EFCAB8: variants seen among roughly 807,000 people sequenced by gnomAD.
EFCAB8 encodes EF-hand calcium binding domain 8, also known as EF-hand calcium-binding domain-containing protein 8.
In EFCAB8, 100 loss-of-function variants were observed where a neutral mutation model predicts 116.3. That is an observed-to-expected ratio of 0.86 (90% CI 0.73 to 1.02). The LOEUF (loss-of-function observed/expected upper bound fraction) is 1.02. EFCAB8 is among the 50% of genes least tolerant of loss of function. The probability of loss-of-function intolerance (pLI) is 0.00; values close to 1 mark genes in which losing one functional copy is unlikely to be tolerated. For missense variants in EFCAB8, 1,320 were observed against 1,416.9 expected (o/e 0.93, Z 1.10); for synonymous variants, 558 against 567.9 (o/e 0.98, Z 0.25).
At position 32,893,186 on chromosome 20, in the gene EFCAB8, C is replaced by G; in HGVS notation, c.771C>G (p.His257Gln). Residue 257 changes from histidine to glutamine, a missense_variant, in exon 9 of 27, where the codon CAC (histidine) becomes CAG (glutamine). Coordinates refer to ENST00000400522, the MANE Select transcript of EFCAB8 (RefSeq NM_001143967.2). ...CATCTTTCTGCAGGTCTGACTATCACAGAGGTGTGTTCTGCTATGGAGACG... is the reference window on the plus strand; with the variant it reads ...CATCTTTCTGCAGGTCTGACTATCAGAGAGGTGTGTTCTGCTATGGAGACG... ...ALVMDYWSDY[H>Q]RGVFCYGDAK... 1.3e-6 allele frequency: 2 copies of G among 1,551,978 alleles called. No homozygotes were observed. The highest frequency in any genetic ancestry group is 1.7e-6 in the Non-Finnish European group (2 of 1,147,042).
intron 22 of EFCAB8, among the ~76,000 whole-genome samples, chr20:32,935,271 G>A (rs1458269321): frequency 3.0e-5 from 4 of 131,376 alleles, no homozygotes; most frequent in Admixed American, 1.8e-4. Context: ...TCCAATCTTG[G>A]CTCACTGCAA....
intron 22 of EFCAB8, among the ~76,000 whole-genome samples, chr20:32,935,546 G>T: frequency 6.6e-6 from 1 of 150,666 alleles, no homozygotes; most frequent in Non-Finnish European, 1.5e-5. Flanking sequence ...TGCTCTTATT[G>T]CCCAGACTGG....
intron 1 of EFCAB8, among the ~76,000 whole-genome samples, 175 bp downstream of exon 1, chr20:32,859,181 C>G (rs1983974389): frequency 6.6e-6 from 1 of 152,196 alleles, no homozygotes; most frequent in Admixed American, 6.5e-5. Context: ...ACTCGTTCCC[C>G]TCTCATCCCT....
chr20:32,961,090 G>T (rs1255912845), intron 26 of EFCAB8, 46 bp from the exon 27 acceptor site: 1 of 1,506,108 alleles, frequency 6.6e-7, no homozygotes, highest in Admixed American at 2.0e-5. Flanking sequence ...GGTGTCCCCG[G>T]CTCCAACTGG....
rs571058861 is a variant in EFCAB8, at chr20:32,926,511, CT to C, written c.2413-3876del. Among the ~76,000 whole-genome samples, 421 of 103,712 alleles carry C rather than the reference CT, an allele frequency of 4.1e-3. 1 individual carries two copies. Among genetic ancestry groups the C allele is most frequent in the African/African-American group, 9.6e-3 (257 of 26,748 alleles). The allele number at this position is 103,712 out of a possible 152,430, so 68.0% of individuals were successfully genotyped here. A position where few individuals can be genotyped will look rare whatever the true frequency, so the allele number is the denominator to read the frequency against. On this transcript the variant is annotated intron_variant, in intron 20 of 26. Coordinates refer to ENST00000400522, the MANE Select transcript of EFCAB8 (RefSeq NM_001143967.2). ...CACATAATAATCTATCCACTTCATT[CT>C]TTTTTTTTTTATTATACTTTAAGTT...
At chr20:32,947,809 C>T (rs576832720) in intron 23 of EFCAB8, among the ~76,000 whole-genome samples, 30 of 150,868 alleles carry the variant, frequency 2.0e-4, no homozygotes, top group African/African-American at 6.6e-4. Flanking sequence ...AGGTCTGGTG[C>T]GGTGGCTCAC....
At chr20:32,945,902 A>C (rs113349207) in intron 23 of EFCAB8, among the ~76,000 whole-genome samples, 1 of 152,260 alleles carries the variant, frequency 6.6e-6, no homozygotes, top group East Asian at 1.9e-4. Flanking sequence ...TCTGGTGTCT[A>C]TTTGCAGTAC....
intron 20 of EFCAB8, among the ~76,000 whole-genome samples, chr20:32,929,630 C>T (rs1024033151): frequency 4.0e-5 from 6 of 151,778 alleles, no homozygotes; most frequent in Non-Finnish European, 7.4e-5. Flanking sequence ...GTATGAGCCA[C>T]CATGAGATTT....
At chr20:32,920,043 C>T (rs1239423176) in intron 19 of EFCAB8, 35 bp from the exon 20 acceptor site, 4 of 1,551,538 alleles carry the variant, frequency 2.6e-6, no homozygotes, top group African/African-American at 2.7e-5. Context: ...GGGAAACACC[C>T]TCATGGTGAC....
chr20:32,959,883 C>T lies in EFCAB8; in HGVS notation c.3195C>T (p.Ala1065=). ...CAGATAAGGAGGCAGACACTTGGGC[C>T]AAGCTGCAGAAGATGGCCCTGATGT... The part of the protein sequence containing the change: ...GKADKEADTW[A]KLQKMALMSP... Residue 1065 remains alanine, a synonymous_variant, in exon 25 of 27, where the codon GCC becomes GCT. Transcript: ENST00000400522. 6.4e-7 allele frequency: 1 copy of T among 1,551,568 alleles called. No homozygotes were observed.
At chr20:32,935,188 C>CTTTTTTTTTTTTTTTTT (rs754022404) in intron 22 of EFCAB8, among the ~76,000 whole-genome samples, 23 of 66,914 alleles carry the variant, frequency 3.4e-4, no homozygotes, top group African/African-American at 7.7e-4. Context: ...TTCTTTCTTT[C>CTTTTTTTTTTTTTTTTT]TTTCTTTTTT....
intron 22 of EFCAB8, among the ~76,000 whole-genome samples, chr20:32,937,339 A>G (rs1250419260): frequency 6.6e-6 from 1 of 152,004 alleles, no homozygotes. Flanking sequence ...GGAGTTACAA[A>G]TTTTCATTTT....
At chr20:32,936,550 C>T (rs146336087) in intron 22 of EFCAB8, among the ~76,000 whole-genome samples, 63 of 152,184 alleles carry the variant, frequency 4.1e-4, no homozygotes, top group African/African-American at 1.4e-3. Context: ...TTTCCTAGTA[C>T]AGTTTATTGA....
At chr20:32,933,401 T>C (rs1371723258) in intron 22 of EFCAB8, among the ~76,000 whole-genome samples, 1 of 152,226 alleles carries the variant, frequency 6.6e-6, no homozygotes, top group African/African-American at 2.4e-5. Context: ...TTTTGATCTA[T>C]GTACACATGT....
At chr20:32,885,702 C>G in intron 6 of EFCAB8, 62 bp downstream of exon 6, 1 of 1,528,770 alleles carries the variant, frequency 6.5e-7, no homozygotes, top group East Asian at 2.5e-5. Context: ...GCCTTAGCAC[C>G]CCCATGGTGA....
At chr20:32,956,498 AG>A (rs1568951208) in intron 23 of EFCAB8, among the ~76,000 whole-genome samples, 1 of 152,140 alleles carries the variant, frequency 6.6e-6, no homozygotes, top group Non-Finnish European at 1.5e-5. Context: ...TCAGATCAAT[AG>A]TTTATTGATC....
intron 3 of EFCAB8, among the ~76,000 whole-genome samples, chr20:32,870,654 A>G (rs1460644031): frequency 6.6e-6 from 1 of 151,892 alleles, no homozygotes; most frequent in Admixed American, 6.6e-5. Flanking sequence ...ATGTGCCACA[A>G]TACCTGGGTA....
At chr20:32,955,527 A>C (rs952713019) in intron 23 of EFCAB8, among the ~76,000 whole-genome samples, 11 of 152,180 alleles carry the variant, frequency 7.2e-5, no homozygotes, top group African/African-American at 2.7e-4. Flanking sequence ...GGAACAGAAC[A>C]ATACCCTGTC....
chr20:32,889,148 C>G (rs527852320), intron 6 of EFCAB8, among the ~76,000 whole-genome samples, 153 bp from the exon 7 acceptor site: 5 of 152,100 alleles, frequency 3.3e-5, no homozygotes, highest in Non-Finnish European at 7.4e-5. Context: ...GGGAGTTTAT[C>G]CAAGGCCCCT....
Sources: gnomAD v4.1 joint callset for allele counts (sites outside exome capture counted in the v4.1 genomes callset) on GRCh38, gnomAD v4.1.1 for gene constraint, MANE v1.5 for transcripts, NCBI Gene and HGNC (gene_info 2026-07-23, HGNC 2026-07-21) for gene names.